NCAM2: variants seen among roughly 807,000 people sequenced by gnomAD.
NCAM2 encodes the protein neural cell adhesion molecule 2.
NCAM2 carries 30 observed loss-of-function variants against 98.1 expected under a neutral mutation model. The ratio of observed to expected loss-of-function variants is 0.31; its 90% CI spans 0.23 to 0.41. The LOEUF is 0.41. Ranked by LOEUF, NCAM2 falls within the 10% of genes least tolerant of loss-of-function variation. The pLI, the probability that NCAM2 is intolerant of heterozygous loss-of-function variation, is 1.00. For missense variants in NCAM2, 867 were observed against 1,005.8 expected (o/e 0.86, Z 1.87); for synonymous variants, 368 against 342.4 (o/e 1.07, Z -0.83).
intron 1 of NCAM2, among the ~76,000 whole-genome samples, chr21:21,216,761 T>C (rs2069919395): frequency 6.6e-6 from 1 of 152,166 alleles, no homozygotes; most frequent in Admixed American, 6.5e-5. Context: ...TGGTGAGGAT[T>C]TGAATGAGGA....
chr21:21,314,111 T>A (rs2074142897), intron 5 of NCAM2, among the ~76,000 whole-genome samples: 1 of 152,092 alleles, frequency 6.6e-6, no homozygotes, highest in Non-Finnish European at 1.5e-5. Flanking sequence ...ATATTTACCG[T>A]TTGTAACTCA....
At chr21:21,042,927 T>C (rs1337387160) in intron 1 of NCAM2, among the ~76,000 whole-genome samples, 1 of 152,176 alleles carries the variant, frequency 6.6e-6, no homozygotes, top group Non-Finnish European at 1.5e-5. Flanking sequence ...GAAAAGAAAA[T>C]GTGTGAAATC....
chr21:21,365,243 G>GTGTGTA (rs1269170173), intron 8 of NCAM2, among the ~76,000 whole-genome samples: 6 of 21,604 alleles, frequency 2.8e-4, no homozygotes, highest in South Asian at 4.1e-3. Context: ...TAGTGCGTGT[G>GTGTGTA]TGTGTGTGTG....
intron 1 of NCAM2, among the ~76,000 whole-genome samples, chr21:21,226,034 T>C (rs1415139354): frequency 1.3e-5 from 2 of 152,084 alleles, no homozygotes; most frequent in African/African-American, 4.8e-5. Flanking sequence ...GAGGCCATTT[T>C]CGTAAGCAAA....
chr21:21,059,386 C>T (rs2065276363), intron 1 of NCAM2, among the ~76,000 whole-genome samples: 1 of 152,046 alleles, frequency 6.6e-6, no homozygotes, highest in African/African-American at 2.4e-5. Context: ...TTCAGAACTT[C>T]AGATAATGCA....
chr21:21,109,703 A>T (rs1239114409), intron 1 of NCAM2, among the ~76,000 whole-genome samples: 2 of 152,164 alleles, frequency 1.3e-5, no homozygotes, highest in African/African-American at 4.8e-5. Flanking sequence ...TATATAGTCA[A>T]ACTGTGATTC....
intron 15 of NCAM2, among the ~76,000 whole-genome samples, chr21:21,501,274 T>C (rs233773): frequency 6.6e-6 from 1 of 151,834 alleles, no homozygotes; most frequent in South Asian, 2.1e-4. Context: ...GGTTTTTAAA[T>C]TAGTGCAATG....
intron 16 of NCAM2, among the ~76,000 whole-genome samples, chr21:21,531,753 T>C (rs1467324315): frequency 6.7e-6 from 1 of 150,222 alleles, no homozygotes; most frequent in East Asian, 2.0e-4. Flanking sequence ...TTACTTAATA[T>C]AACTTACACG....
chr21:21,031,687 A>G (rs2064686145), intron 1 of NCAM2, among the ~76,000 whole-genome samples: 1 of 152,174 alleles, frequency 6.6e-6, no homozygotes, highest in Non-Finnish European at 1.5e-5. Context: ...AATTAAAGCA[A>G]TATTTAATAC....
In NCAM2 at chr21:21,240,539, C is replaced by T. The variant is rs952304118; in HGVS notation, c.56-40039C>T. Among the ~76,000 whole-genome samples the T allele has an allele frequency of 1.0e-3, 156 of 152,176 alleles. 1 individual carries two copies. The highest frequency in any genetic ancestry group is 4.9e-4 in the Non-Finnish European group (33 of 68,030). On this transcript the variant is annotated intron_variant, in intron 1 of 17. Coordinates refer to ENST00000400546, the MANE Select transcript of NCAM2 (RefSeq NM_004540.5). ...GGTGTGGTGGAAAAGGCACTTAACC[C>T]AGACTCTGGTTCTGACTCCGTCATT...
chr21:21,247,166 A>G (rs1469766287), intron 1 of NCAM2, among the ~76,000 whole-genome samples: 1 of 151,584 alleles, frequency 6.6e-6, no homozygotes, highest in African/African-American at 2.4e-5. Context: ...AAAAATACAA[A>G]AATTTAGCCT....
At chr21:21,483,661 A>G (rs910857155) in intron 15 of NCAM2, among the ~76,000 whole-genome samples, 9 of 152,114 alleles carry the variant, frequency 5.9e-5, no homozygotes, top group Admixed American at 2.6e-4. Context: ...TAGAAGTCCA[A>G]TTACCTGGGG....
chr21:21,210,504 G>A, intron 1 of NCAM2: 2 of 1,273,126 alleles, frequency 1.6e-6, no homozygotes, highest in Non-Finnish European at 2.0e-6. Context: ...AAAACTCAAA[G>A]GGTGTAAGAG....
At chr21:21,118,238 G>A (rs533956290) in intron 1 of NCAM2, among the ~76,000 whole-genome samples, 8 of 152,240 alleles carry the variant, frequency 5.3e-5, no homozygotes, top group African/African-American at 1.7e-4. Flanking sequence ...TAATTATATA[G>A]ACCATCAGCA....
chr21:21,463,421 C>T (rs1054337612), intron 12 of NCAM2, among the ~76,000 whole-genome samples: 7 of 152,078 alleles, frequency 4.6e-5, no homozygotes, highest in African/African-American at 1.7e-4. Flanking sequence ...AACAAACTGA[C>T]TTCTTGTATA....
intron 12 of NCAM2, among the ~76,000 whole-genome samples, chr21:21,451,981 T>C (rs1456453961): frequency 1.3e-5 from 2 of 152,130 alleles, no homozygotes; most frequent in African/African-American, 4.8e-5. Flanking sequence ...TCTTGACAAA[T>C]GATTCTCACT....
At chr21:21,062,623 T>G (rs2065346728) in intron 1 of NCAM2, among the ~76,000 whole-genome samples, 1 of 152,208 alleles carries the variant, frequency 6.6e-6, no homozygotes, top group Non-Finnish European at 1.5e-5. Context: ...TTTTGTTGTT[T>G]AAGCCGCCTA....
intron 1 of NCAM2, among the ~76,000 whole-genome samples, chr21:21,187,210 C>T (rs1326256794): frequency 1.3e-5 from 2 of 151,920 alleles, no homozygotes; most frequent in African/African-American, 2.4e-5. Flanking sequence ...GGCGACAGAG[C>T]GAAACTCCGT....
At chr21:21,193,914 A>G (rs2068914042) in intron 1 of NCAM2, among the ~76,000 whole-genome samples, 1 of 152,292 alleles carries the variant, frequency 6.6e-6, no homozygotes, top group East Asian at 1.9e-4. Flanking sequence ...AAATATGGGT[A>G]TTGAATTTAA....
Sources: allele counts gnomAD v4.1 joint callset (sites outside exome capture counted in the v4.1 genomes callset), GRCh38; gene constraint gnomAD v4.1.1; transcripts MANE v1.5; gene names NCBI Gene and HGNC (gene_info 2026-07-23, HGNC 2026-07-21).